CCDC7: variants seen among roughly 807,000 people sequenced by gnomAD.
CCDC7 encodes the protein coiled-coil domain containing 7.
A neutral mutation model predicts 196.9 loss-of-function variants in CCDC7; 183 were observed. The observed-to-expected ratio is 0.93, with a 90% CI of 0.82 to 1.05. The LOEUF is 1.05. Ranked by LOEUF, CCDC7 falls within the 50% of genes least tolerant of loss-of-function variation. The pLI is 0.00. For missense variants in CCDC7, 1,540 were observed against 1,482.2 expected (o/e 1.04, Z -0.64); for synonymous variants, 525 against 484.6 (o/e 1.08, Z -1.10).
chr10:32,739,364 C>T lies in CCDC7; in HGVS notation c.2905+9907C>T, dbSNP rs147874489. Among the ~76,000 whole-genome samples the T allele has an allele frequency of 7.3e-3, 1,107 of 152,070 alleles. 6 individuals are homozygous for T. Among genetic ancestry groups the T allele is most frequent in the South Asian group, 0.02 (96 of 4,816 alleles). ...TCAATTTTAGAAGTTTCTAATGACA[C>T]GTTTTCAAGCTCACTTATTCTTTTT... On this transcript the variant is annotated intron_variant, in intron 28 of 41. Coordinates refer to ENST00000639629, the Ensembl canonical transcript of CCDC7.
intron 32 of CCDC7, among the ~76,000 whole-genome samples, chr10:32,829,830 C>G (rs931811114): frequency 1.3e-5 from 2 of 151,528 alleles, no homozygotes; most frequent in Non-Finnish European, 2.9e-5. Context: ...AAAGGCAGAC[C>G]CACCCTTAAT....
chr10:32,609,127 A>C lies in CCDC7; in HGVS notation c.1801+24823A>C, dbSNP rs575395295. On this transcript the variant is annotated intron_variant, in intron 18 of 41. Coordinates refer to ENST00000639629, the Ensembl canonical transcript of CCDC7. ...TGGTCTTTAGAGGTCTGTTATGTCC[A>C]CTTAAGTCTACATTACAATTTAAGT... is the stretch of plus-strand genomic sequence containing the variant. Among the ~76,000 whole-genome samples the C allele has an allele frequency of 9.2e-5, 14 of 152,202 alleles. No homozygotes were observed. In the South Asian group the frequency reaches 2.9e-3, roughly 32 times the overall value.
chr10:32,660,494 A>G (rs1352521690), intron 20 of CCDC7, among the ~76,000 whole-genome samples: 3 of 129,352 alleles, frequency 2.3e-5, no homozygotes, highest in Non-Finnish European at 4.9e-5. Flanking sequence ...CATGGTGTAT[A>G]TGTGCCACAT....
At chr10:32,824,402 T>C in intron 31 of CCDC7, 116 bp from the exon 33 acceptor site, 1 of 570,982 alleles carries the variant, frequency 1.8e-6, no homozygotes, top group South Asian at 3.6e-5. Context: ...CTGGACACTT[T>C]ATTATAATTC....
At chr10:32,759,324 C>T (rs1285663122) in intron 28 of CCDC7, among the ~76,000 whole-genome samples, 6 of 152,142 alleles carry the variant, frequency 3.9e-5, no homozygotes, top group East Asian at 1.9e-4. Context: ...GGAGGCATCA[C>T]GCTACCTGAC....
At chr10:32,635,011 CT>C (rs1476636784) in intron 19 of CCDC7, 45 bp from the exon 21 acceptor site, 1 of 397,598 alleles carries the variant, frequency 2.5e-6, no homozygotes, top group Non-Finnish European at 4.4e-6. Flanking sequence ...TTGCTGATTA[CT>C]TGACATATAC....
chr10:32,659,701 C>T (rs1022107053), intron 20 of CCDC7, among the ~76,000 whole-genome samples: 3 of 152,144 alleles, frequency 2.0e-5, no homozygotes, highest in Non-Finnish European at 4.4e-5. Context: ...AGAAGACATA[C>T]ATGTGGCCGA....
chr10:32,519,801 A>G (rs1272852656), intron 11 of CCDC7, among the ~76,000 whole-genome samples: 3 of 152,042 alleles, frequency 2.0e-5, no homozygotes, highest in Non-Finnish European at 4.4e-5. Context: ...CTGTTGTGCT[A>G]TCAAATACTA....
chr10:32,734,994 G>A (rs1270260094), intron 28 of CCDC7, among the ~76,000 whole-genome samples: 1 of 152,088 alleles, frequency 6.6e-6, no homozygotes, highest in Non-Finnish European at 1.5e-5. Context: ...TCTGATATTT[G>A]TACAGCTACA....
intron 18 of CCDC7, among the ~76,000 whole-genome samples, chr10:32,627,393 G>T (rs1408003685): frequency 6.6e-6 from 1 of 151,750 alleles, no homozygotes; most frequent in Non-Finnish European, 1.5e-5. Context: ...CAACTTTATA[G>T]AATTCAACAT....
chr10:32,813,023 C>A (rs1368364226), intron 30 of CCDC7, among the ~76,000 whole-genome samples: 1 of 152,058 alleles, frequency 6.6e-6, no homozygotes, highest in African/African-American at 2.4e-5. Context: ...GCAGTTGTGG[C>A]ATATTTGAGC....
intron 32 of CCDC7, among the ~76,000 whole-genome samples, chr10:32,832,025 C>A (rs2092234936): frequency 6.6e-6 from 1 of 152,058 alleles, no homozygotes; most frequent in Admixed American, 6.6e-5. Flanking sequence ...GTGAATAATT[C>A]ATTACATTAA....
At chr10:32,448,316 T>A (rs2031994398), upstream of CCDC7, among the ~76,000 whole-genome samples, 1 of 151,718 alleles carries the variant, frequency 6.6e-6, no homozygotes, top group African/African-American at 2.4e-5. Flanking sequence ...ATATTTTTAA[T>A]TTTAATTTTT....
intron 30 of CCDC7, among the ~76,000 whole-genome samples, chr10:32,810,170 A>G (rs1565571267): frequency 6.6e-6 from 1 of 152,188 alleles, no homozygotes; most frequent in Non-Finnish European, 1.5e-5. Context: ...ATAAGAAAAC[A>G]ATAGGAATAA....
intron 24 of CCDC7, among the ~76,000 whole-genome samples, chr10:32,697,741 G>C (rs1360449106): frequency 6.6e-6 from 1 of 152,190 alleles, no homozygotes; most frequent in Admixed American, 6.5e-5. Flanking sequence ...CCACCTCTGG[G>C]GGCAGGGCAT....
At chr10:32,484,158 C>G (rs760547807) in intron 8 of CCDC7, among the ~76,000 whole-genome samples, 5 of 152,072 alleles carry the variant, frequency 3.3e-5, no homozygotes, top group African/African-American at 7.2e-5. Context: ...TATTTGTGTC[C>G]TCTTTTATTT....
At chr10:32,818,658 C>CA (rs1161818138) in intron 31 of CCDC7, among the ~76,000 whole-genome samples, 1 of 152,208 alleles carries the variant, frequency 6.6e-6, no homozygotes, top group Non-Finnish European at 1.5e-5. Flanking sequence ...ACAGTGTAAT[C>CA]AAACTAAAAC....
At chr10:32,665,671 T>A (rs1004419133) in intron 21 of CCDC7, among the ~76,000 whole-genome samples, 1 of 152,084 alleles carries the variant, frequency 6.6e-6, no homozygotes, top group Non-Finnish European at 1.5e-5. Context: ...GCTTTGTTTT[T>A]CTTGCTCAAG....
intron 11 of CCDC7, among the ~76,000 whole-genome samples, chr10:32,532,094 T>C (rs2135904498): frequency 6.6e-6 from 1 of 152,256 alleles, no homozygotes; most frequent in East Asian, 1.9e-4. Context: ...GTTTGATTTC[T>C]TTTTCCTTTT....
Sources: allele counts gnomAD v4.1 joint callset (sites outside exome capture counted in the v4.1 genomes callset), GRCh38; gene constraint gnomAD v4.1.1; transcripts MANE v1.5; gene names NCBI Gene and HGNC (gene_info 2026-07-23, HGNC 2026-07-21).